The following STPG2 variants were observed in gnomAD, a reference collection of about 807,000 sequenced individuals.
STPG2 encodes sperm-tail PG-rich repeat-containing protein 2.
In STPG2, 56 loss-of-function variants were observed where a neutral mutation model predicts 54.2. The observed-to-expected ratio is 1.03, with a 90% CI of 0.83 to 1.29. The LOEUF is 1.29. Among genes scored for constraint, STPG2 ranks in the 50% most tolerant of loss-of-function variants. The pLI, the probability that STPG2 is intolerant of heterozygous loss-of-function variation, is 0.00. For missense variants in STPG2, 596 were observed against 544.9 expected (o/e 1.09, Z -0.93); for synonymous variants, 200 against 181.8 (o/e 1.10, Z -0.81).
chr4:97,902,234 T>C (rs1386861827), intron 8 of STPG2, among the ~76,000 whole-genome samples: 1 of 152,104 alleles, frequency 6.6e-6, no homozygotes, highest in African/African-American at 2.4e-5. Context: ...TCTATGACAC[T>C]GGTCTTGGAA....
rs192279668 is a variant in STPG2 at position 97,981,073 on chromosome 4, C to T, written c.772+86G>A. On this transcript the variant is annotated intron_variant, in intron 6 of 10. Coordinates refer to ENST00000295268, the MANE Select transcript of STPG2 (RefSeq NM_174952.3). ...ACCAACCATAGGACAAAAAAGAAAA[C>T]ATACTCTCTGGTGTATCCATCTTGT... 3.1e-5 allele frequency: 44 copies of T among 1,402,342 alleles called. No individual in the cohort carries two copies. The African/African-American group carries it at 3.2e-4, about 10-fold the overall frequency. The allele number at this position is 1,402,342 out of a possible 1,614,324, so 86.9% of individuals were successfully genotyped here.
At chr4:97,642,528 G>A (rs1333288732) in intron 10 of STPG2, among the ~76,000 whole-genome samples, 3 of 151,152 alleles carry the variant, frequency 2.0e-5, no homozygotes, top group Admixed American at 6.6e-5. Flanking sequence ...CAACTTCTCA[G>A]GACCAAGGAA....
At chr4:97,651,102 C>G (rs1168627332) in intron 10 of STPG2, among the ~76,000 whole-genome samples, 1 of 152,010 alleles carries the variant, frequency 6.6e-6, no homozygotes, top group East Asian at 1.9e-4. Flanking sequence ...GCACAAGACA[C>G]TCCCATCACT....
chr4:97,512,838 G>A (rs1250951556), intron 4 of STPG2, among the ~76,000 whole-genome samples: 1 of 151,998 alleles, frequency 6.6e-6, no homozygotes, highest in Non-Finnish European at 1.5e-5. Context: ...GACTACAGAT[G>A]TGTGGAGCTT....
intron 4 of STPG2, among the ~76,000 whole-genome samples, chr4:97,532,505 A>G (rs2148854248): frequency 6.6e-6 from 1 of 152,302 alleles, no homozygotes; most frequent in Admixed American, 6.5e-5. Flanking sequence ...AATGAAATGA[A>G]TTGCAATGTC....
At chr4:97,543,064 G>GTA (rs1731755457) in intron 4 of STPG2, among the ~76,000 whole-genome samples, 1 of 151,814 alleles carries the variant, frequency 6.6e-6, no homozygotes, top group African/African-American at 2.4e-5. Context: ...CATGGCACAT[G>GTA]TATATATATG....
intron 10 of STPG2, among the ~76,000 whole-genome samples, chr4:97,596,735 A>G (rs2148902631): frequency 6.6e-6 from 1 of 152,326 alleles, no homozygotes; most frequent in African/African-American, 2.4e-5. Context: ...AAGATAAAAC[A>G]TAACAGAACC....
At chr4:97,528,421 A>G (rs1731338033) in intron 4 of STPG2, among the ~76,000 whole-genome samples, 1 of 152,164 alleles carries the variant, frequency 6.6e-6, no homozygotes, top group Admixed American at 6.5e-5. Flanking sequence ...TATAGTTTGA[A>G]GTCCAGTAGC....
At chr4:97,443,784 G>A (rs537611405) in intron 4 of STPG2, among the ~76,000 whole-genome samples, 4 of 152,218 alleles carry the variant, frequency 2.6e-5, no homozygotes, top group East Asian at 1.9e-4. Context: ...AATTTTTCAT[G>A]AGCAATATTC....
intron 7 of STPG2, among the ~76,000 whole-genome samples, chr4:97,961,318 A>C (rs905426078): frequency 6.6e-5 from 10 of 152,146 alleles, no homozygotes; most frequent in African/African-American, 2.4e-4. Flanking sequence ...GGAGAACCCA[A>C]AAACAAATGC....
intron 9 of STPG2, among the ~76,000 whole-genome samples, chr4:97,735,219 T>C (rs1400248258): frequency 6.6e-6 from 1 of 151,888 alleles, no homozygotes; most frequent in East Asian, 1.9e-4. Flanking sequence ...GGGTTATATA[T>C]ATAGATATAT....
chr4:98,134,463 T>C lies in STPG2; in HGVS notation c.110-4A>G, dbSNP rs1201429664. ...GAAAGAAATGGTGCATTACTACCTA[T>C]AAAAATAAAATCATATGACCAGCAG... On this transcript the variant is annotated splice_polypyrimidine_tract_variant and splice_region_variant and intron_variant, in intron 1 of 10. Transcript: ENST00000295268. 2.0e-6 allele frequency: 3 copies of C among 1,535,872 alleles called. No individual in the cohort carries two copies. The highest frequency in any genetic ancestry group is 1.9e-5 in the Admixed American group (1 of 52,748).
At chr4:97,970,619 G>A (rs1418420551) in intron 7 of STPG2, among the ~76,000 whole-genome samples, 4 of 152,178 alleles carry the variant, frequency 2.6e-5, no homozygotes, top group Admixed American at 6.5e-5. Flanking sequence ...GTAGAAAGCT[G>A]AAACTGGATC....
At chr4:97,736,271 G>C (rs950882683) in intron 9 of STPG2, among the ~76,000 whole-genome samples, 3 of 152,236 alleles carry the variant, frequency 2.0e-5, no homozygotes, top group Non-Finnish European at 2.9e-5. Flanking sequence ...ACAGCTACCA[G>C]TGTGAGCGAC....
At chr4:98,051,797 G>A (rs1425151610) in intron 5 of STPG2, among the ~76,000 whole-genome samples, 1 of 151,880 alleles carries the variant, frequency 6.6e-6, no homozygotes, top group Non-Finnish European at 1.5e-5. Context: ...CAAAAGCTCT[G>A]GCCAATATAC....
At chr4:97,800,840 C>G (rs1159276467) in intron 9 of STPG2, among the ~76,000 whole-genome samples, 1 of 152,164 alleles carries the variant, frequency 6.6e-6, no homozygotes, top group Non-Finnish European at 1.5e-5. Flanking sequence ...CCAGTTTGAG[C>G]TTCCTGGCCA....
chr4:97,515,677 T>C (rs1169090289), intron 4 of STPG2, among the ~76,000 whole-genome samples: 1 of 152,084 alleles, frequency 6.6e-6, no homozygotes, highest in African/African-American at 2.4e-5. Context: ...TATTGTTTTT[T>C]TTAACTTTTA....
intron 8 of STPG2, among the ~76,000 whole-genome samples, chr4:97,858,332 C>T (rs1333580894): frequency 6.6e-6 from 1 of 152,058 alleles, no homozygotes; most frequent in Non-Finnish European, 1.5e-5. Context: ...GAATGGAGCT[C>T]AAGTATGTCT....
intron 9 of STPG2, among the ~76,000 whole-genome samples, chr4:97,729,755 C>G (rs1045542986): frequency 9.9e-5 from 15 of 152,098 alleles, no homozygotes; most frequent in Admixed American, 3.9e-4. Context: ...CTAAAGGACC[C>G]AGACAAGAGC....
Sources: allele counts gnomAD v4.1 joint callset (sites outside exome capture counted in the v4.1 genomes callset), GRCh38; gene constraint gnomAD v4.1.1; transcripts MANE v1.5; gene names NCBI Gene and HGNC (gene_info 2026-07-23, HGNC 2026-07-21).